The following XPOT variants were observed in gnomAD, a reference collection of about 807,000 sequenced individuals.
XPOT encodes the protein exportin-T.
Under a neutral mutation model 128.2 loss-of-function variants are expected in XPOT, and 34 were observed. The observed-to-expected ratio is 0.27, with a 90% CI of 0.20 to 0.35. XPOT has a LOEUF of 0.35. XPOT is among the 10% of genes least tolerant of loss of function. The pLI is 1.00. For synonymous variants in XPOT, 348 were observed against 394.3 expected, an observed-to-expected ratio of 0.88 and a Z score of 1.39; for missense variants, 838 against 1,125.3, an observed-to-expected ratio of 0.74 and a Z score of 3.65.
intron 11 of XPOT, 134 bp from the exon 12 acceptor site, chr12:64,424,465 T>C (rs2040171384): frequency 1.4e-6 from 1 of 734,406 alleles, no homozygotes; most frequent in Admixed American, 3.6e-5. Flanking sequence ...TAATTTTTAT[T>C]ATTATACTTT....
rs2040386397 is a variant in XPOT, at chr12:64,448,883, CTATGTGAATCTGTTGATAGAAT to C, written c.*754_*775del. On this transcript the variant is annotated 3_prime_UTR_variant, in exon 25 of 25. Transcript: ENST00000332707. ...TTTTCTTTAATGTACTGGAAAAAGC[CTATGTGAATCTGTTGATAGAAT>C]TTAAAATTCCAGGCCGGGCGTGGTG... The C allele has an allele frequency of 6.6e-6, 1 of 151,928 alleles. No individual in the cohort carries two copies. Among genetic ancestry groups the C allele is most frequent in the African/African-American group, 2.4e-5 (1 of 41,390 alleles). The allele number at this position is 151,928 out of a possible 1,614,324, so 9.4% of individuals were successfully genotyped here.
chr12:64,423,370 A>G (rs2040159295), intron 11 of XPOT, 126 bp downstream of exon 11: 1 of 621,052 alleles, frequency 1.6e-6, no homozygotes, highest in Non-Finnish European at 2.7e-6. Context: ...TAGTCTGTTT[A>G]TATTGACACC....
At chr12:64,432,414 T>C (rs2040247798) in intron 18 of XPOT, among the ~76,000 whole-genome samples, 2 of 151,980 alleles carry the variant, frequency 1.3e-5, no homozygotes, top group African/African-American at 4.8e-5. Flanking sequence ...CACGCTAATA[T>C]TTTGTACTTT....
At chr12:64,442,286 C>T (rs2040331257) in intron 23 of XPOT, among the ~76,000 whole-genome samples, 1 of 151,986 alleles carries the variant, frequency 6.6e-6, no homozygotes, top group African/African-American at 2.4e-5. Context: ...TTACAGGTGC[C>T]CACCACCATG....
At chr12:64,442,494 C>G (rs1206904631) in intron 23 of XPOT, 1 of 152,384 alleles carries the variant, frequency 6.6e-6, no homozygotes, top group African/African-American at 2.4e-5. Flanking sequence ...CCCATAGTGT[C>G]CTTGGACCTT....
intron 22 of XPOT, among the ~76,000 whole-genome samples, chr12:64,435,903 A>T (rs905530702): frequency 6.6e-6 from 1 of 152,124 alleles, no homozygotes; most frequent in Non-Finnish European, 1.5e-5. Flanking sequence ...TTCAAGATTC[A>T]GTTTTCATGA....
At chr12:64,410,413 T>C (rs570957022) in intron 2 of XPOT, among the ~76,000 whole-genome samples, 3 of 152,308 alleles carry the variant, frequency 2.0e-5, no homozygotes, top group East Asian at 3.9e-4. Context: ...GCAGCAGACA[T>C]GTGTATTTTA....
chr12:64,435,327 C>T (rs2040273679), intron 21 of XPOT, among the ~76,000 whole-genome samples: 1 of 152,192 alleles, frequency 6.6e-6, no homozygotes, highest in Admixed American at 6.5e-5. Flanking sequence ...TTTCACAATA[C>T]TTAATGTCAA....
chr12:64,422,591 G>A (rs966376200), intron 9 of XPOT, among the ~76,000 whole-genome samples: 2 of 152,274 alleles, frequency 1.3e-5, no homozygotes, highest in East Asian at 1.9e-4. Flanking sequence ...TTGTGTGCAT[G>A]TTTTCAAAGA....
chr12:64,405,326 C>T (rs2039969477), intron 1 of XPOT: 1 of 152,156 alleles, frequency 6.6e-6, no homozygotes, highest in African/African-American at 2.4e-5. Flanking sequence ...TTCCCTGTAA[C>T]CAGAAAAACG....
At chr12:64,410,157 G>GA (rs2040024736) in intron 2 of XPOT, 62 bp downstream of exon 2, 2 of 1,500,318 alleles carry the variant, frequency 1.3e-6, no homozygotes, top group African/African-American at 1.4e-5. Context: ...TAGAGGACTT[G>GA]AATAAAAATG....
Position 64,431,676 on chromosome 12 carries a change from T to A in XPOT, c.2115T>A (p.Arg705=). 1 of 1,613,984 alleles carries A rather than the reference T, an allele frequency of 6.2e-7. No homozygotes were observed. Among genetic ancestry groups the A allele is most frequent in the Non-Finnish European group, 8.5e-7 (1 of 1,179,898 alleles). The part of the protein sequence containing the change: ...LQKDILRSGV[R]TFLHRMIICL... ...AGGATATTCTCAGAAGTGGAGTCCGTACTTTCCTTCATCGAATGATTATTT... is the reference window on the plus strand; with the variant it reads ...AGGATATTCTCAGAAGTGGAGTCCGAACTTTCCTTCATCGAATGATTATTT... The change falls in exon 18 of 25, where the codon CGT becomes CGA. Residue 705 remains arginine (R), a synonymous_variant. Transcript: ENST00000332707.
At position 64,420,528 on chromosome 12, in the gene XPOT, A is replaced by G. The variant is rs759326151; in HGVS notation, c.843+7A>G. 10 of 1,600,314 alleles carry G rather than the reference A, an allele frequency of 6.2e-6. No homozygotes were observed. Among genetic ancestry groups the G allele is most frequent in the Non-Finnish European group, 8.5e-6 (10 of 1,173,334 alleles). ...GTTTTTCAGCATTGACCAGGTTGGT[A>G]AATTTATATAAAACATTGTATGTAA... On this transcript the variant is annotated splice_region_variant and intron_variant, in intron 8 of 24. Transcript: ENST00000332707.
At chr12:64,448,058 G>T in intron 24 of XPOT, 47 bp from the exon 25 acceptor site, 1 of 1,565,638 alleles carries the variant, frequency 6.4e-7, no homozygotes, top group South Asian at 1.1e-5. Context: ...AGGTGAAAGT[G>T]ATATCTTCTG....
chr12:64,408,177 C>A (rs1287936608), intron 1 of XPOT, among the ~76,000 whole-genome samples: 1 of 151,608 alleles, frequency 6.6e-6, no homozygotes, highest in African/African-American at 2.4e-5. Context: ...TGGCGTGATC[C>A]CAGCTCACTG....
intron 19 of XPOT, among the ~76,000 whole-genome samples, chr12:64,434,256 A>C (rs2040264116): frequency 2.0e-5 from 3 of 152,134 alleles, no homozygotes; most frequent in African/African-American, 7.2e-5. Flanking sequence ...TCGGCCTTAC[A>C]AAGGGCTGGA....
rs1376305673 is a variant in XPOT at position 64,418,899 on chromosome 12, G to A, written c.294G>A (p.Lys98=). 1 of 1,613,698 alleles carries A rather than the reference G, an allele frequency of 6.2e-7. No homozygotes were observed. Among genetic ancestry groups the A allele is most frequent in the Non-Finnish European group, 8.5e-7 (1 of 1,179,818 alleles). ...AGATGCTGAATCCCCAACCAGAGAAGACCTTTATACGAAATAAAGCCGCCC... is the reference window on the plus strand; with the variant it reads ...AGATGCTGAATCCCCAACCAGAGAAAACCTTTATACGAAATAAAGCCGCCC... The part of the protein sequence containing the change: ...QAQMLNPQPE[K]TFIRNKAAQV... Residue 98 remains lysine (K), a synonymous_variant, in exon 6 of 25, where the codon AAG becomes AAA. Coordinates refer to ENST00000332707, the MANE Select transcript of XPOT (RefSeq NM_007235.6).
intron 23 of XPOT, 98 bp from the exon 24 acceptor site, chr12:64,444,977 A>T: frequency 1.0e-6 from 1 of 1,002,290 alleles, no homozygotes; most frequent in Non-Finnish European, 1.4e-6. Flanking sequence ...TCTCTTAAAA[A>T]AAAAAAAAAA....
At chr12:64,414,462 A>G (rs1008648813) in intron 2 of XPOT, among the ~76,000 whole-genome samples, 3 of 152,222 alleles carry the variant, frequency 2.0e-5, no homozygotes, top group Non-Finnish European at 4.4e-5. Flanking sequence ...AGTATGTTTT[A>G]TCTTTTATAA....
Sources: allele counts gnomAD v4.1 joint callset (sites outside exome capture counted in the v4.1 genomes callset), GRCh38; gene constraint gnomAD v4.1.1; transcripts MANE v1.5; gene names NCBI Gene and HGNC (gene_info 2026-07-23, HGNC 2026-07-21).